Variants in BCAS3 observed in about 807,000 individuals in gnomAD.
The protein encoded by BCAS3 is BCAS3 microtubule associated cell migration factor.
Under a neutral mutation model 116.1 loss-of-function variants are expected in BCAS3, and 53 were observed. That is an observed-to-expected ratio of 0.46 (90% CI 0.37 to 0.57). BCAS3 has a LOEUF of 0.57. Ranked by LOEUF, BCAS3 falls within the 20% of genes least tolerant of loss-of-function variation. The pLI is 0.00. For missense variants in BCAS3, 917 were observed against 1,165.4 expected (o/e 0.79, Z 3.10); for synonymous variants, 391 against 408.2 (o/e 0.96, Z 0.51).
chr17:61,052,715 C>CTTTTTTTTTTTTTTTT (rs60772345), intron 19 of BCAS3, among the ~76,000 whole-genome samples: 25 of 124,924 alleles, frequency 2.0e-4, no homozygotes, highest in East Asian at 7.0e-4. Flanking sequence ...TTCTTTCTTT[C>CTTTTTTTTTTTTTTTT]TTTTTTTTTT....
intron 19 of BCAS3, among the ~76,000 whole-genome samples, chr17:61,060,988 A>T (rs1174028761): frequency 6.6e-6 from 1 of 152,218 alleles, no homozygotes; most frequent in East Asian, 1.9e-4. Context: ...GGAAAGTTAA[A>T]GAAAACCCTG....
At chr17:61,342,628 G>A (rs1053459622) in intron 22 of BCAS3, among the ~76,000 whole-genome samples, 6 of 152,218 alleles carry the variant, frequency 3.9e-5, no homozygotes, top group African/African-American at 1.4e-4. Context: ...CAGTCATGCA[G>A]CAGGCGTATG....
At chr17:60,928,986 G>GT (rs1286035733) in intron 13 of BCAS3, among the ~76,000 whole-genome samples, 2 of 152,076 alleles carry the variant, frequency 1.3e-5, no homozygotes, top group Non-Finnish European at 2.9e-5. Context: ...CAGTAGCTGG[G>GT]TTTTTTCCCT....
intron 16 of BCAS3, among the ~76,000 whole-genome samples, chr17:61,024,684 C>T (rs905060053): frequency 4.0e-5 from 6 of 151,316 alleles, no homozygotes; most frequent in Non-Finnish European, 8.8e-5. Flanking sequence ...CTTTGGCTAA[C>T]GTATGTTTCC....
At chr17:60,734,883 G>T (rs1053208726) in intron 5 of BCAS3, among the ~76,000 whole-genome samples, 14 of 152,064 alleles carry the variant, frequency 9.2e-5, no homozygotes, top group African/African-American at 2.7e-4. Context: ...ATTTTGATTG[G>T]GATTACATTG....
intron 3 of BCAS3, among the ~76,000 whole-genome samples, chr17:60,687,788 C>T (rs1329882988): frequency 6.6e-6 from 1 of 152,130 alleles, no homozygotes; most frequent in African/African-American, 2.4e-5. Context: ...GTAAGGAACA[C>T]ACGAAGCAGA....
In BCAS3 at chr17:61,088,377, A is replaced by G. The variant is rs1419175396; in HGVS notation, c.2425+3813A>G. ...CAGTTGCTCACTTTTTCCCATATCC[A>G]GCTGATGAACAACAATGTCGATGAA... On this transcript the variant is annotated intron_variant, in intron 22 of 23. Coordinates refer to ENST00000407086, the MANE Select transcript of BCAS3 (RefSeq NM_017679.5). This position sits in a 1 kb window ranked among gnomAD's most constrained non-coding sequence, Gnocchi z 4.2. Among the ~76,000 whole-genome samples the G allele has an allele frequency of 6.6e-6, 1 of 152,244 alleles. No homozygotes were observed. The highest frequency in any genetic ancestry group is 1.5e-5 in the Non-Finnish European group (1 of 68,046).
chr17:60,800,639 T>C (rs1267926232), intron 6 of BCAS3, among the ~76,000 whole-genome samples: 2 of 152,212 alleles, frequency 1.3e-5, no homozygotes, highest in East Asian at 1.9e-4. Context: ...TGGATCATAC[T>C]TTTTAGTATC....
intron 16 of BCAS3, among the ~76,000 whole-genome samples, chr17:61,033,056 C>T (rs2066758240): frequency 6.6e-6 from 1 of 152,068 alleles, no homozygotes; most frequent in Non-Finnish European, 1.5e-5. Context: ...GTCATAGGAA[C>T]TGGGAAACTG....
intron 4 of BCAS3, among the ~76,000 whole-genome samples, chr17:60,695,628 T>C (rs934533106): frequency 6.6e-6 from 1 of 152,194 alleles, no homozygotes; most frequent in Non-Finnish European, 1.5e-5. Flanking sequence ...GAGACAAGTC[T>C]TGCTGTGTCA....
At chr17:60,739,712 C>T (rs922284544) in intron 5 of BCAS3, among the ~76,000 whole-genome samples, 1 of 152,006 alleles carries the variant, frequency 6.6e-6, no homozygotes, top group African/African-American at 2.4e-5. Context: ...AGTTTCTGAC[C>T]TATATTGTTA....
intron 19 of BCAS3, among the ~76,000 whole-genome samples, chr17:61,069,305 T>G (rs1333213238): frequency 1.3e-5 from 2 of 151,906 alleles, no homozygotes; most frequent in Non-Finnish European, 2.9e-5. Context: ...TAAACTAAAT[T>G]TGATAGTGAT....
chr17:61,313,967 G>A lies in BCAS3; in HGVS notation c.2426-54360G>A, dbSNP rs2054536057. Among the ~76,000 whole-genome samples the A allele has an allele frequency of 6.6e-6, 1 of 152,216 alleles. No homozygotes were observed. Among genetic ancestry groups the A allele is most frequent in the Non-Finnish European group, 1.5e-5 (1 of 68,032 alleles). On this transcript the variant is annotated intron_variant, in intron 22 of 23. Coordinates refer to ENST00000407086, the MANE Select transcript of BCAS3 (RefSeq NM_017679.5). The surrounding 1 kb of genome is among the most constrained non-coding windows in gnomAD (Gnocchi z 4.3). ...GGGGAAGCCGGCTGGCAGCACACAG[G>A]CCATTCCTCTTTTCCATTCAAAGAA...
chr17:61,198,297 C>T lies in BCAS3; in HGVS notation c.2425+113733C>T, dbSNP rs8075867. 0.023 allele frequency among the ~76,000 whole-genome samples: 3,488 copies of T among 152,092 alleles called. 145 individuals are homozygous for T. The highest frequency in any genetic ancestry group is 0.08 in the African/African-American group (3,323 of 41,462). The stretch of plus-strand genomic sequence containing the variant: ...CTGGGACTACAGGCGCCAGCCACCA[C>T]ACCCAGCTAATTTTTTGCATTTTTA... On this transcript the variant is annotated intron_variant, in intron 22 of 23. Transcript: ENST00000407086. The surrounding 1 kb of genome is among the most constrained non-coding windows in gnomAD (Gnocchi z 5.0).
chr17:60,973,586 A>ATATATATATATATAT lies in BCAS3; in HGVS notation c.1222-16385_1222-16384insTATATATATATATAT, dbSNP rs752524305. ...TAGACATTGCTATTACCTTATTATTAATATATATATATATATATATATGTA... is the reference window on the plus strand; with the variant it reads ...TAGACATTGCTATTACCTTATTATTATATATATATATATATATATATATATATATATATATATGTA... On this transcript the variant is annotated intron_variant, in intron 14 of 23. Coordinates refer to ENST00000407086, the MANE Select transcript of BCAS3 (RefSeq NM_017679.5). Among the ~76,000 whole-genome samples, 180 of 137,922 alleles carry ATATATATATATATAT rather than the reference A, an allele frequency of 1.3e-3. 2 individuals carry two copies. The highest frequency in any genetic ancestry group is 4.6e-3 in the African/African-American group (159 of 34,916). The allele number at this position is 137,922 out of a possible 152,430, so 90.5% of individuals were successfully genotyped here.
chr17:61,128,806 G>A lies in BCAS3; in HGVS notation c.2425+44242G>A, dbSNP rs1470890307. 6.6e-6 allele frequency among the ~76,000 whole-genome samples: 1 copy of A among 152,152 alleles called. No individual in the cohort carries two copies. Among genetic ancestry groups the A allele is most frequent in the Non-Finnish European group, 1.5e-5 (1 of 68,028 alleles). On this transcript the variant is annotated intron_variant, in intron 22 of 23. Coordinates refer to ENST00000407086, the MANE Select transcript of BCAS3 (RefSeq NM_017679.5). The surrounding 1 kb of genome is among the most constrained non-coding windows in gnomAD (Gnocchi z 4.1). ...TCGGCAACTTTTGGTCTGTCACAAGGTCAAGTGATGATTAGTGATGTAGTC... is the reference window on the plus strand; with the variant it reads ...TCGGCAACTTTTGGTCTGTCACAAGATCAAGTGATGATTAGTGATGTAGTC...
At chr17:60,689,149 G>A (rs991567579) in intron 3 of BCAS3, 1 of 152,224 alleles carries the variant, frequency 6.6e-6, no homozygotes, top group African/African-American at 2.4e-5. Context: ...AAAATAGATT[G>A]TGATCATTGT....
chr17:61,187,080 C>A (rs2079826760), intron 22 of BCAS3, among the ~76,000 whole-genome samples: 1 of 152,096 alleles, frequency 6.6e-6, no homozygotes, highest in Non-Finnish European at 1.5e-5. Flanking sequence ...AATGAAGTAA[C>A]CCTTATTTAT....
rs1569005072 is a variant in BCAS3, at chr17:61,391,963, CCT to C, written c.2594-13_2594-12del. 3.1e-6 allele frequency: 5 copies of C among 1,612,626 alleles called. No individual in the cohort carries two copies. Among genetic ancestry groups the C allele is most frequent in the Non-Finnish European group, 1.7e-6 (2 of 1,179,640 alleles). On this transcript the variant is annotated splice_polypyrimidine_tract_variant and intron_variant, in intron 23 of 23. Coordinates refer to ENST00000407086, the MANE Select transcript of BCAS3 (RefSeq NM_017679.5). This position sits in a 1 kb window ranked among gnomAD's most constrained non-coding sequence, Gnocchi z 7.7. ...CAACTCTAACCAGGCCTGGCCCTCT[CCT>C]GTGTCTTGCAGAACTTCAGCGAGAG...
Sources: allele counts gnomAD v4.1 joint callset (sites outside exome capture counted in the v4.1 genomes callset), GRCh38; gene constraint gnomAD v4.1.1; non-coding constraint Gnocchi (gnomAD v3.1); transcripts MANE v1.5; gene names NCBI Gene and HGNC (gene_info 2026-07-23, HGNC 2026-07-21).